The following LPP variants were observed in gnomAD, a reference collection of about 807,000 sequenced individuals.
LPP encodes LIM domain containing preferred translocation partner in lipoma.
LPP carries 38 observed loss-of-function variants against 60.4 expected under a neutral mutation model. The observed-to-expected ratio is 0.63, with a 90% CI of 0.49 to 0.83. LPP has a LOEUF of 0.83. Among genes scored for constraint, LPP ranks in the 40% least tolerant of loss-of-function variants. The pLI is 0.00. For synonymous variants in LPP, 328 were observed against 290.8 expected (o/e 1.13, Z -1.30); for missense variants, 902 against 783.6 (o/e 1.15, Z -1.80).
At chr3:188,386,010 CATTTTA>C (rs960154643) in intron 3 of LPP, among the ~76,000 whole-genome samples, 1 of 151,992 alleles carries the variant, frequency 6.6e-6, no homozygotes, top group Non-Finnish European at 1.5e-5. Context: ...CTAGTCCCAC[CATTTTA>C]ATTTTATCAT....
intron 6 of LPP, among the ~76,000 whole-genome samples, chr3:188,529,726 T>C (rs1260152602): frequency 2.6e-5 from 4 of 152,252 alleles, no homozygotes; most frequent in Admixed American, 2.6e-4. Context: ...TTCATTCACC[T>C]AACATTTGAT....
At chr3:188,473,012 T>A (rs1433386536) in intron 4 of LPP, among the ~76,000 whole-genome samples, 1 of 152,152 alleles carries the variant, frequency 6.6e-6, no homozygotes, top group African/African-American at 2.4e-5. Flanking sequence ...GGTGTGGTTC[T>A]ACATTCTTTG....
At chr3:188,753,717 A>T (rs148514378) in intron 8 of LPP, among the ~76,000 whole-genome samples, 1 of 151,750 alleles carries the variant, frequency 6.6e-6, no homozygotes, top group East Asian at 1.9e-4. Context: ...TTTTGTGTCT[A>T]CCACTCATCC....
chr3:188,580,677 G>A (rs1219974762), intron 6 of LPP, among the ~76,000 whole-genome samples: 1 of 152,112 alleles, frequency 6.6e-6, no homozygotes, highest in African/African-American at 2.4e-5. Flanking sequence ...TGAATGGTTT[G>A]TTTCCCACCA....
intron 3 of LPP, among the ~76,000 whole-genome samples, chr3:188,377,499 G>A (rs9866135): frequency 0.41 from 62,650 of 151,878 alleles, 13,956 homozygotes; most frequent in East Asian, 0.66. Flanking sequence ...TGATCGCATC[G>A]GCTACTGAGG....
At chr3:188,524,933 TTC>T (rs1820126282) in intron 6 of LPP, 146 bp downstream of exon 6, 21 of 660,848 alleles carry the variant, frequency 3.2e-5, no homozygotes, top group South Asian at 1.0e-4. Flanking sequence ...CCTTCCTTCC[TTC>T]CTTCCTTCCT....
At chr3:188,722,286 G>A (rs182990551) in intron 8 of LPP, among the ~76,000 whole-genome samples, 1 of 152,302 alleles carries the variant, frequency 6.6e-6, no homozygotes, top group Non-Finnish European at 1.5e-5. Flanking sequence ...ATGGTGTTCA[G>A]TCATGGTAAT....
At chr3:188,640,971 G>A (rs532174316) in intron 7 of LPP, among the ~76,000 whole-genome samples, 19 of 152,356 alleles carry the variant, frequency 1.2e-4, no homozygotes, top group Middle Eastern at 3.4e-3. Flanking sequence ...AATGATGTGA[G>A]TGCACACTCA....
At chr3:188,690,520 C>G (rs1861883032) in intron 7 of LPP, among the ~76,000 whole-genome samples, 1 of 152,106 alleles carries the variant, frequency 6.6e-6, no homozygotes, top group African/African-American at 2.4e-5. Flanking sequence ...CTTTAATCTA[C>G]AAGTTGGAAT....
intron 3 of LPP, among the ~76,000 whole-genome samples, chr3:188,389,324 A>G (rs1779124500): frequency 6.6e-6 from 1 of 152,210 alleles, no homozygotes; most frequent in South Asian, 2.1e-4. Context: ...CAGAACTAGA[A>G]CTTCTCCTGT....
At chr3:188,867,340 ATATTATTATTGT>A (rs1230835654) in intron 10 of LPP, among the ~76,000 whole-genome samples, 1 of 148,506 alleles carries the variant, frequency 6.7e-6, no homozygotes, top group East Asian at 1.9e-4. Flanking sequence ...ATATACATGT[ATATTATTATTGT>A]TATTATTTTT....
At chr3:188,513,952 A>G (rs185466185) in intron 5 of LPP, among the ~76,000 whole-genome samples, 42 of 152,302 alleles carry the variant, frequency 2.8e-4, no homozygotes, top group African/African-American at 8.9e-4. Flanking sequence ...ATTAGAGGTT[A>G]AAAAAATAGA....
At chr3:188,487,473 T>A (rs1439700226) in intron 5 of LPP, among the ~76,000 whole-genome samples, 2 of 152,208 alleles carry the variant, frequency 1.3e-5, no homozygotes, top group Non-Finnish European at 2.9e-5. Context: ...AAATGCCTGT[T>A]GTCATGTTGG....
intron 1 of LPP, among the ~76,000 whole-genome samples, chr3:188,168,653 A>T (rs949003726): frequency 3.9e-5 from 6 of 152,190 alleles, no homozygotes; most frequent in African/African-American, 9.7e-5. Flanking sequence ...AGAACTGATG[A>T]CATATTTCCC....
At chr3:188,701,280 T>C (rs1341606727) in intron 7 of LPP, among the ~76,000 whole-genome samples, 1 of 152,190 alleles carries the variant, frequency 6.6e-6, no homozygotes, top group Non-Finnish European at 1.5e-5. Flanking sequence ...GCTGTAAATT[T>C]GGCTTCATAT....
intron 4 of LPP, among the ~76,000 whole-genome samples, chr3:188,447,578 C>G (rs1251939241): frequency 2.0e-5 from 3 of 146,708 alleles, no homozygotes. Context: ...CCATAGCAGT[C>G]CAGCCTGGGC....
chr3:188,524,773 C>G lies in LPP; in HGVS notation c.415C>G (p.Pro139Ala), dbSNP rs1819987034. ...ADLECSSPYK[P>A]RPPQSSTGST... ...CCTTGAGTGCAGCTCCCCCTATAAGCCTCGGCCTCCACAGGTTAGTGCAGC... is the reference window on the plus strand; with the variant it reads ...CCTTGAGTGCAGCTCCCCCTATAAGGCTCGGCCTCCACAGGTTAGTGCAGC... The change falls in exon 6 of 12, where the codon CCT becomes GCT. Residue 139 changes from proline (P) to alanine (A), a missense_variant. Transcript: ENST00000617246. 4 of 1,613,898 alleles carry G rather than the reference C, an allele frequency of 2.5e-6. No individual in the cohort carries two copies. The highest frequency in any genetic ancestry group is 3.4e-6 in the Non-Finnish European group (4 of 1,179,896).
chr3:188,168,008 G>T (rs933022095), intron 1 of LPP, among the ~76,000 whole-genome samples: 2 of 152,130 alleles, frequency 1.3e-5, no homozygotes, highest in Admixed American at 6.5e-5. Context: ...TCTTTATATG[G>T]ATTGTCATAT....
chr3:188,661,747 G>C (rs969171648), intron 7 of LPP, among the ~76,000 whole-genome samples: 1 of 152,032 alleles, frequency 6.6e-6, no homozygotes, highest in Admixed American at 6.6e-5. Flanking sequence ...TCTCATAAAC[G>C]CTTGACAAAG....
Sources: allele counts gnomAD v4.1 joint callset (sites outside exome capture counted in the v4.1 genomes callset), GRCh38; gene constraint gnomAD v4.1.1; transcripts MANE v1.5; gene names NCBI Gene and HGNC (gene_info 2026-07-23, HGNC 2026-07-21).